The following CMTM4 variants were observed in gnomAD, a reference collection of about 807,000 sequenced individuals.
The protein encoded by CMTM4 is CKLF like MARVEL transmembrane domain containing 4, also known as CKLF-like MARVEL transmembrane domain-containing protein 4.
Under a neutral mutation model 19.0 loss-of-function variants are expected in CMTM4, and 8 were observed. The ratio of observed to expected loss-of-function variants is 0.42; its 90% CI spans 0.25 to 0.76. The LOEUF is 0.76. Among genes scored for constraint, CMTM4 ranks in the 30% least tolerant of loss-of-function variants. The pLI, the probability that CMTM4 is intolerant of heterozygous loss-of-function variation, is 0.27. For missense variants in CMTM4, 228 were observed against 290.2 expected (o/e 0.79, Z 1.56); for synonymous variants, 106 against 121.1 (o/e 0.88, Z 0.82).
At chr16:66,661,285 G>A (rs796139818) in intron 1 of CMTM4, among the ~76,000 whole-genome samples, 8 of 152,278 alleles carry the variant, frequency 5.3e-5, no homozygotes, top group East Asian at 1.9e-4. Context: ...ACTGTAACCC[G>A]TATAAATTTC....
rs770875603 is a variant in CMTM4 at position 66,620,342 on chromosome 16, C to G, written c.*1716G>C. The G allele has an allele frequency of 1.5e-5, 15 of 985,436 alleles. No homozygotes were observed. The highest frequency in any genetic ancestry group is 3.5e-5 in the African/African-American group (2 of 57,354). 61.0% of individuals were successfully genotyped at this position (985,436 alleles called of 1,614,324 possible). A position where few individuals can be genotyped will look rare whatever the true frequency, so the allele number is the denominator to read the frequency against. The stretch of plus-strand genomic sequence containing the variant: ...CCTCTCTGTGGGAGCAGAGGGGAGA[C>G]GAGTTGTTAACAGGCTAGCAGGGTC... On this transcript the variant is annotated 3_prime_UTR_variant, in exon 4 of 4. Coordinates refer to ENST00000394106, the MANE Select transcript of CMTM4 (RefSeq NM_181521.3).
At chr16:66,600,290 C>G in the CMTM4 span, among the ~76,000 whole-genome samples, 1 of 151,906 alleles carries the variant, frequency 6.6e-6, no homozygotes, top group Non-Finnish European at 1.5e-5. Context: ...CTACAGGGGG[C>G]ACACCACCAC....
downstream of CMTM4, chr16:66,612,968 C>T: frequency 2.9e-6 from 2 of 685,564 alleles, no homozygotes; most frequent in Non-Finnish European, 5.3e-6. This position sits in a 1 kb window ranked among gnomAD's most constrained non-coding sequence, Gnocchi z 6.0. Flanking sequence ...ATCTGGGCAG[C>T]AGGTGTTCCA....
chr16:66,649,779 T>C (rs1405711633), intron 1 of CMTM4, among the ~76,000 whole-genome samples: 1 of 152,198 alleles, frequency 6.6e-6, no homozygotes, highest in Non-Finnish European at 1.5e-5. Flanking sequence ...GGCACTCGTC[T>C]GCTGCCCTCC....
chr16:66,619,515 G>C lies in CMTM4; in HGVS notation c.*2543C>G. ...TTGGTCCCTATTGAAACTATTAAAC[G>C]CAAAAACGCTTCCTTCAATTTGCCA... On this transcript the variant is annotated 3_prime_UTR_variant, in exon 4 of 4. Transcript: ENST00000394106. 15 of 985,320 alleles carry C rather than the reference G, an allele frequency of 1.5e-5. No individual in the cohort carries two copies. The highest frequency in any genetic ancestry group is 1.8e-5 in the Non-Finnish European group (15 of 829,914). The allele number at this position is 985,320 out of a possible 1,614,324, so 61.0% of individuals were successfully genotyped here. A position where few individuals can be genotyped will look rare whatever the true frequency, so the allele number is the denominator to read the frequency against.
At chr16:66,645,467 A>T (rs1356036608) in intron 1 of CMTM4, among the ~76,000 whole-genome samples, 1 of 151,010 alleles carries the variant, frequency 6.6e-6, no homozygotes, top group Non-Finnish European at 1.5e-5. Flanking sequence ...AATCCCAGCT[A>T]CTCGGGAGGC....
chr16:66,678,600 T>C (rs1277032810), intron 1 of CMTM4, among the ~76,000 whole-genome samples: 1 of 152,180 alleles, frequency 6.6e-6, no homozygotes, highest in Non-Finnish European at 1.5e-5. Flanking sequence ...ATGATCCTCA[T>C]CTATAAATAG....
downstream of CMTM4, among the ~76,000 whole-genome samples, chr16:66,614,101 C>T (rs2015480978): frequency 6.6e-6 from 1 of 152,216 alleles, no homozygotes; most frequent in Admixed American, 6.5e-5. This position sits in a 1 kb window ranked among gnomAD's most constrained non-coding sequence, Gnocchi z 4.9. Context: ...CAATAGGATT[C>T]GCATTCCTAT....
chr16:66,640,744 A>G (rs1381806695), intron 1 of CMTM4, among the ~76,000 whole-genome samples: 3 of 152,206 alleles, frequency 2.0e-5, no homozygotes, highest in Admixed American at 2.0e-4. Context: ...GCTCAGTCAG[A>G]AAAGTTAGCA....
intron 1 of CMTM4, among the ~76,000 whole-genome samples, chr16:66,678,770 T>A (rs1293351533): frequency 2.0e-5 from 3 of 152,226 alleles, no homozygotes; most frequent in Non-Finnish European, 4.4e-5. Flanking sequence ...CATTAATTAA[T>A]AAAATACTTT....
At chr16:66,606,011 A>C in the CMTM4 span, among the ~76,000 whole-genome samples, 1 of 152,004 alleles carries the variant, frequency 6.6e-6, no homozygotes, top group African/African-American at 2.4e-5. Context: ...CACCGTCCCC[A>C]GAGTGGCTTG....
chr16:66,602,101 A>G, the CMTM4 span, among the ~76,000 whole-genome samples: 3 of 152,214 alleles, frequency 2.0e-5, no homozygotes, highest in Non-Finnish European at 4.4e-5. Context: ...CAAGGTCAAG[A>G]GATAATCAGG....
intron 1 of CMTM4, among the ~76,000 whole-genome samples, chr16:66,652,241 G>A (rs1425157761): frequency 6.6e-6 from 1 of 152,210 alleles, no homozygotes; most frequent in Non-Finnish European, 1.5e-5. Context: ...GCGCAGGCAA[G>A]GCTGGGGTGC....
At chr16:66,651,499 G>A (rs530109980) in intron 1 of CMTM4, among the ~76,000 whole-genome samples, 2 of 152,058 alleles carry the variant, frequency 1.3e-5, no homozygotes, top group Non-Finnish European at 2.9e-5. Context: ...CTCACACCCC[G>A]ACTCAGGAAG....
chr16:66,678,760 CATTA>C (rs1335215035), intron 1 of CMTM4, among the ~76,000 whole-genome samples: 1 of 152,144 alleles, frequency 6.6e-6, no homozygotes, highest in Non-Finnish European at 1.5e-5. Flanking sequence ...CTGTTTCCCT[CATTA>C]ATTAATAAAA....
chr16:66,599,303 C>CA, the CMTM4 span, among the ~76,000 whole-genome samples: 5 of 151,722 alleles, frequency 3.3e-5, no homozygotes, highest in South Asian at 6.2e-4. Context: ...CAAAACAAAA[C>CA]AAAAAACAGA....
chr16:66,643,912 C>A (rs2016142457), intron 1 of CMTM4, among the ~76,000 whole-genome samples: 1 of 152,134 alleles, frequency 6.6e-6, no homozygotes, highest in Admixed American at 6.5e-5. Context: ...CACCACCACA[C>A]CCAGCTAGTT....
chr16:66,623,316 AG>A, intron 3 of CMTM4, 87 bp downstream of exon 3: 1 of 879,540 alleles, frequency 1.1e-6, no homozygotes, highest in Non-Finnish European at 1.8e-6. Flanking sequence ...AAGCCACAGG[AG>A]GGGGAGCAGG....
chr16:66,633,817 C>CAA (rs1388711559), intron 2 of CMTM4, among the ~76,000 whole-genome samples: 3 of 103,738 alleles, frequency 2.9e-5, no homozygotes, highest in Non-Finnish European at 4.1e-5. Context: ...GACCCCATCT[C>CAA]AAAAAAAAAA....
Sources: allele counts gnomAD v4.1 joint callset (sites outside exome capture counted in the v4.1 genomes callset), GRCh38; gene constraint gnomAD v4.1.1; non-coding constraint Gnocchi (gnomAD v3.1); transcripts MANE v1.5; gene names NCBI Gene and HGNC (gene_info 2026-07-23, HGNC 2026-07-21).